Variants in IZUMO4 observed in about 807,000 individuals in gnomAD.
The protein encoded by IZUMO4 is IZUMO family member 4.
In IZUMO4, 51 loss-of-function variants were observed where a neutral mutation model predicts 37.1. That is an observed-to-expected ratio of 1.38 (90% confidence interval 1.10 to 1.74). IZUMO4 has a LOEUF of 1.74. IZUMO4 is among the 40% of genes most tolerant of loss of function. IZUMO4 has a pLI of 0.00. For synonymous variants in IZUMO4, 162 were observed against 121.4 expected (o/e 1.33, Z -2.20); for missense variants, 364 against 299.6 (o/e 1.21, Z -1.59).
chr19:2,096,962 G>T lies in IZUMO4; in HGVS notation c.17G>T (p.Cys6Phe), dbSNP rs926484355. 2 of 1,606,720 alleles carry T rather than the reference G, an allele frequency of 1.2e-6. No individual in the cohort carries two copies. Among genetic ancestry groups the T allele is most frequent in the South Asian group, 1.1e-5 (1 of 91,046 alleles). Residue 6 changes from cysteine (C) to phenylalanine (F), a missense_variant, in exon 1 of 10, where the codon TGC (cysteine) becomes TTC (phenylalanine). By Grantham distance (205) the Cys-to-Phe change is radical (BLOSUM62 -2). Coordinates refer to ENST00000395301, the MANE Select transcript of IZUMO4 (RefSeq NM_001039846.2). ...GGGACGGGCATGGCCCTGCTGCTGTGCCTGGTGTGCCTGACGGCGGCGCTG... is the reference window on the plus strand; with the variant it reads ...GGGACGGGCATGGCCCTGCTGCTGTTCCTGGTGTGCCTGACGGCGGCGCTG... MALLL[C>F]LVCLTAALAH...
At position 2,097,270 on chromosome 19, in the gene IZUMO4, A is replaced by G; in HGVS notation, c.236A>G (p.Gln79Arg). Residue 79 changes from glutamine to arginine, a missense_variant, in exon 2 of 10, where the codon CAA becomes CGA. Gln to Arg is a conservative substitution (Grantham distance 43). Transcript: ENST00000395301. ...PAKITREKLD[Q>R]VATAVYQMMD... ...CCCGCAGCCCGGGAGAAGCTGGACC[A>G]AGTGGCGACAGCAGTGTACCAGATG... 6.2e-7 allele frequency: 1 copy of G among 1,612,610 alleles called. No homozygotes were observed. Among genetic ancestry groups the G allele is most frequent in the Non-Finnish European group, 8.5e-7 (1 of 1,179,760 alleles).
At chr19:2,097,367 C>T in intron 2 of IZUMO4, 35 bp downstream of exon 2, 2 of 1,601,172 alleles carry the variant, frequency 1.2e-6, no homozygotes, top group East Asian at 2.2e-5. Context: ...GGCCCCCCCA[C>T]CCCGGGACAC....
rs2017859239 is a variant in IZUMO4, at chr19:2,099,515, T to C, written c.*170T>C. The C allele has an allele frequency of 1.7e-6, 1 of 598,614 alleles. No individual in the cohort carries two copies. The highest frequency in any genetic ancestry group is 3.0e-6 in the Non-Finnish European group (1 of 332,440). 37.1% of individuals were successfully genotyped at this position (598,614 alleles called of 1,614,324 possible). A position where few individuals can be genotyped will look rare whatever the true frequency, so the allele number is the denominator to read the frequency against. On this transcript the variant is annotated 3_prime_UTR_variant, in exon 10 of 10. Coordinates refer to ENST00000395301, the MANE Select transcript of IZUMO4 (RefSeq NM_001039846.2). ...CGGGAGGGAGGGAATGGGGGTGGGC[T>C]GTGCGCAGCATCAGCGCCTGGGCAG...
Position 2,099,097 on chromosome 19 carries a change from G to C in IZUMO4, c.608+68G>C, listed in dbSNP as rs11668148. The C allele has an allele frequency of 8.9e-4, 1,323 of 1,485,094 alleles. 3 individuals carry two copies. The highest frequency in any genetic ancestry group is 1.1e-3 in the Non-Finnish European group (1,165 of 1,063,944). 92.0% of individuals were successfully genotyped at this position (1,485,094 alleles called of 1,614,324 possible). On this transcript the variant is annotated intron_variant, in intron 9 of 9. Coordinates refer to ENST00000395301, the MANE Select transcript of IZUMO4 (RefSeq NM_001039846.2). ...CGTAAGCCAACACCAGCGTGCCGCG[G>C]CCTGCACACCCTGCTGACATCCCAG...
chr19:2,097,263 C>G lies in IZUMO4; in HGVS notation c.229C>G (p.Leu77Val), dbSNP rs768978729. The G allele has an allele frequency of 6.2e-7, 1 of 1,612,542 alleles. No homozygotes were observed. The highest frequency in any genetic ancestry group is 1.7e-4 in the Middle Eastern group (1 of 6,060). ...CCTCCTGCCCGCAGCCCGGGAGAAG[C>G]TGGACCAAGTGGCGACAGCAGTGTA... ...AIPAKITREK[L>V]DQVATAVYQM... Residue 77 changes from leucine (L) to valine (V), a missense_variant, in exon 2 of 10, where the codon CTG becomes GTG. Physicochemically the swap from Leu to Val is conservative, Grantham distance 32. Coordinates refer to ENST00000395301, the MANE Select transcript of IZUMO4 (RefSeq NM_001039846.2).
chr19:2,099,089 G>A (rs1215140885), intron 9 of IZUMO4, 60 bp downstream of exon 9: 78 of 1,527,240 alleles, frequency 5.1e-5, no homozygotes, highest in South Asian at 1.0e-4. Context: ...CAACACCAGC[G>A]TGCCGCGGCC....
chr19:2,097,955 G>GA lies in IZUMO4; in HGVS notation c.397_397+1insA (p.Gly133GlufsTer24), dbSNP rs755219068. The GA allele has an allele frequency of 1.9e-6, 3 of 1,613,210 alleles. No individual in the cohort carries two copies. Among genetic ancestry groups the GA allele is most frequent in the Non-Finnish European group, 1.7e-6 (2 of 1,179,972 alleles). The stretch of plus-strand genomic sequence containing the variant: ...CCGCATCGACTGTCAGCACCGCTGT[G>GA]GTAAGCAAGGCTCCGTCCAGGCTGA... On this transcript the variant is annotated frameshift_variant and splice_region_variant. Coordinates refer to ENST00000395301, the MANE Select transcript of IZUMO4 (RefSeq NM_001039846.2). LOFTEE classifies it high-confidence loss of function.
Position 2,096,951 on chromosome 19 carries a change from CCTG to C in IZUMO4, c.13_15del (p.Leu5del). ...GGCGGCGGGCCGGGACGGGCATGGC[CCTG>C]CTGCTGTGCCTGGTGTGCCTGACGG... On this transcript the variant is annotated inframe_deletion, in exon 1 of 10. Coordinates refer to ENST00000395301, the MANE Select transcript of IZUMO4 (RefSeq NM_001039846.2). 1 of 1,605,120 alleles carries C rather than the reference CCTG, an allele frequency of 6.2e-7. No individual in the cohort carries two copies. The highest frequency in any genetic ancestry group is 8.5e-7 in the Non-Finnish European group (1 of 1,179,184).
At position 2,096,957 on chromosome 19, in the gene IZUMO4, G is replaced by T; in HGVS notation, c.12G>T (p.Leu4=). Residue 4 remains leucine (L), a synonymous_variant, in exon 1 of 10, where the codon CTG becomes CTT. Transcript: ENST00000395301. ...GGGCCGGGACGGGCATGGCCCTGCT[G>T]CTGTGCCTGGTGTGCCTGACGGCGG... MAL[L]LCLVCLTAAL... is the part of the protein sequence containing the mutation. 1 of 1,606,176 alleles carries T rather than the reference G, an allele frequency of 6.2e-7. No individual in the cohort carries two copies.
In IZUMO4 at chr19:2,098,352, G is replaced by A. The variant is rs770742766; in HGVS notation, c.521+18G>A. ...AACTACATGTGAGTGGGGTCTTTGG[G>A]TGGCAGCAAGCTCACCTGGGCCTGG... On this transcript the variant is annotated intron_variant, in intron 6 of 9. Coordinates refer to ENST00000395301, the MANE Select transcript of IZUMO4 (RefSeq NM_001039846.2). 31 of 1,614,036 alleles carry A rather than the reference G, an allele frequency of 1.9e-5. No homozygotes were observed. In the South Asian group the frequency reaches 3.3e-4, roughly 17 times the overall value.
Position 2,098,060 on chromosome 19 carries a change from C to T in IZUMO4, c.406C>T (p.Gln136Ter), listed in dbSNP as rs780387550. ...TCTTGTACGTGTTTCAGGCATCTTC[C>T]AGTACGAGACCATCTCCTGCAACAA... is the stretch of plus-strand genomic sequence containing the variant. Reference protein sequence around the residue: ...IDCQHRCGIFQYETISCNNCT... With the variant: ...IDCQHRCGIF Residue 136 changes from glutamine (Q) to a stop codon, truncating the protein, a stop_gained, in exon 5 of 10, where the codon CAG becomes TAG. Coordinates refer to ENST00000395301, the MANE Select transcript of IZUMO4 (RefSeq NM_001039846.2). LOFTEE classifies it high-confidence loss of function. 40 of 1,613,326 alleles carry T rather than the reference C, an allele frequency of 2.5e-5. No individual in the cohort carries two copies. The highest frequency in any genetic ancestry group is 4.0e-5 in the African/African-American group (3 of 74,938).
In IZUMO4 at chr19:2,097,125, G is replaced by A; in HGVS notation, c.180G>A (p.Thr60=). 1 of 1,612,388 alleles carries A rather than the reference G, an allele frequency of 6.2e-7. No homozygotes were observed. Among genetic ancestry groups the A allele is most frequent in the Non-Finnish European group, 8.5e-7 (1 of 1,179,762 alleles). ...TGCTCACCGACTGGAGCGACGACAC[G>A]ATGAAGGAGCTGCACCTGGCCATCC... The part of the protein sequence containing the change: ...GALLTDWSDD[T]MKELHLAIPA... Residue 60 remains threonine, a synonymous_variant, in exon 1 of 10, where the codon ACG becomes ACA. Transcript: ENST00000395301.
chr19:2,099,024 G>A lies in IZUMO4; in HGVS notation c.603G>A (p.Pro201=), dbSNP rs200278797. The change falls in exon 9 of 10, where the codon CCG becomes CCA. Residue 201 remains proline, a synonymous_variant. Coordinates refer to ENST00000395301, the MANE Select transcript of IZUMO4 (RefSeq NM_001039846.2). The stretch of plus-strand genomic sequence containing the variant: ...GGCCTGGGACACACAGAGCCACCCC[G>A]GCCTTGTGAGTGACCCAGAGAAGGG... ...FSWPGTHRAT[P]AFLVSPALRC... 236 of 1,612,998 alleles carry A rather than the reference G, an allele frequency of 1.5e-4. No individual in the cohort carries two copies. The highest frequency in any genetic ancestry group is 3.6e-4 in the East Asian group (16 of 44,884).
chr19:2,097,492 G>C lies in IZUMO4; in HGVS notation c.367G>C (p.Glu123Gln). The change falls in exon 3 of 10, where the codon GAA (glutamate) becomes CAA (glutamine). Residue 123 changes from glutamate to glutamine, a missense_variant. Transcript: ENST00000395301. ...GCACCTCATCCAGAACGCCATCATCGAAAGTGAGCAAATAAGGCTTCAGAG... is the reference window on the plus strand; with the variant it reads ...GCACCTCATCCAGAACGCCATCATCCAAAGTGAGCAAATAAGGCTTCAGAG... ...QVHLIQNAIIESRIDCQHRCG... is the reference protein window; with the variant it reads ...QVHLIQNAIIQSRIDCQHRCG... The C allele has an allele frequency of 6.2e-7, 1 of 1,612,870 alleles. No homozygotes were observed. Among genetic ancestry groups the C allele is most frequent in the South Asian group, 1.1e-5 (1 of 91,062 alleles).
At position 2,097,120 on chromosome 19, in the gene IZUMO4, G is replaced by T; in HGVS notation, c.175G>T (p.Asp59Tyr). The part of the protein sequence containing the change: ...SGALLTDWSD[D>Y]TMKELHLAIP... ...GGCGCTGCTCACCGACTGGAGCGAC[G>T]ACACGATGAAGGAGCTGCACCTGGC... The change falls in exon 1 of 10, where the codon GAC becomes TAC. Residue 59 changes from aspartate (D) to tyrosine (Y), a missense_variant. Asp to Tyr is a radical substitution (Grantham distance 160). Transcript: ENST00000395301. 1 of 1,612,482 alleles carries T rather than the reference G, an allele frequency of 6.2e-7. No individual in the cohort carries two copies. The highest frequency in any genetic ancestry group is 8.5e-7 in the Non-Finnish European group (1 of 1,179,822).
Position 2,096,951 on chromosome 19 carries a change from C to T in IZUMO4, c.6C>T (p.Ala2=), listed in dbSNP as rs781036702. 2 of 1,605,120 alleles carry T rather than the reference C, an allele frequency of 1.2e-6. No homozygotes were observed. The highest frequency in any genetic ancestry group is 2.2e-5 in the South Asian group (2 of 90,994). The change falls in exon 1 of 10, where the codon GCC becomes GCT. Residue 2 remains alanine, a synonymous_variant. Coordinates refer to ENST00000395301, the MANE Select transcript of IZUMO4 (RefSeq NM_001039846.2). ...GGCGGCGGGCCGGGACGGGCATGGCCCTGCTGCTGTGCCTGGTGTGCCTGA... is the reference window on the plus strand; with the variant it reads ...GGCGGCGGGCCGGGACGGGCATGGCTCTGCTGCTGTGCCTGGTGTGCCTGA... M[A]LLLCLVCLTA... is the part of the protein sequence containing the mutation.
In IZUMO4 at chr19:2,098,959, G is replaced by A. The variant is rs976328789; in HGVS notation, c.555-17G>A. ...GTCACCTCTGCAACCACACCCATGT[G>A]GTGGTTTCATGAACAGACCACGCTC... is the stretch of plus-strand genomic sequence containing the variant. On this transcript the variant is annotated splice_polypyrimidine_tract_variant and intron_variant, in intron 8 of 9. Coordinates refer to ENST00000395301, the MANE Select transcript of IZUMO4 (RefSeq NM_001039846.2). 3 of 1,612,256 alleles carry A rather than the reference G, an allele frequency of 1.9e-6. No individual in the cohort carries two copies. Among genetic ancestry groups the A allele is most frequent in the Non-Finnish European group, 2.5e-6 (3 of 1,179,216 alleles).
chr19:2,098,522 C>A, intron 7 of IZUMO4, 72 bp downstream of exon 7: 1 of 1,609,904 alleles, frequency 6.2e-7, no homozygotes, highest in Non-Finnish European at 8.5e-7. Flanking sequence ...ATGTGTGGGG[C>A]ACAGGCTGGC....
Position 2,099,501 on chromosome 19 carries a change from G to GC in IZUMO4, c.*156_*157insC. On this transcript the variant is annotated 3_prime_UTR_variant, in exon 10 of 10. Coordinates refer to ENST00000395301, the MANE Select transcript of IZUMO4 (RefSeq NM_001039846.2). ...CAGGGCCAGGAGGGCGGGAGGGAGG[G>GC]AATGGGGGTGGGCTGTGCGCAGCAT... 2 of 363,896 alleles carry GC rather than the reference G, an allele frequency of 5.5e-6. No homozygotes were observed. Among genetic ancestry groups the GC allele is most frequent in the Non-Finnish European group, 1.1e-5 (2 of 180,330 alleles). 22.5% of individuals were successfully genotyped at this position (363,896 alleles called of 1,614,324 possible).
Sources: allele counts gnomAD v4.1 joint callset, GRCh38; gene constraint gnomAD v4.1.1; transcripts MANE v1.5; gene names NCBI Gene and HGNC (gene_info 2026-07-23, HGNC 2026-07-21).